The following PBX1 variants were observed in gnomAD, a reference collection of about 807,000 sequenced individuals.
PBX1 encodes the protein pre-B-cell leukemia transcription factor 1.
Under a neutral mutation model 53.4 loss-of-function variants are expected in PBX1, and 6 were observed. The observed-to-expected ratio is 0.11, with a 90% CI of 0.06 to 0.22. PBX1 has a LOEUF of 0.22. PBX1 is among the 10% of genes least tolerant of loss of function. The pLI, the probability that PBX1 is intolerant of heterozygous loss-of-function variation, is 1.00. For missense variants in PBX1, 251 were observed against 551.4 expected, an observed-to-expected ratio of 0.46 and a Z score of 5.46; for synonymous variants, 204 against 212.3, an observed-to-expected ratio of 0.96 and a Z score of 0.34.
At chr1:164,569,278 C>T (rs1225226610) in intron 2 of PBX1, among the ~76,000 whole-genome samples, 1 of 152,214 alleles carries the variant, frequency 6.6e-6, no homozygotes, top group African/African-American at 2.4e-5. Context: ...AAAAACCTCT[C>T]TGTGCCTCAT....
At position 164,847,556 on chromosome 1, in the gene PBX1, G is replaced by A; in HGVS notation, c.*880G>A. 2 of 1,062,850 alleles carry A rather than the reference G, an allele frequency of 1.9e-6. No individual in the cohort carries two copies. The highest frequency in any genetic ancestry group is 2.3e-6 in the Non-Finnish European group (2 of 877,806). 65.8% of individuals were successfully genotyped at this position (1,062,850 alleles called of 1,614,324 possible). A position where few individuals can be genotyped will look rare whatever the true frequency, so the allele number is the denominator to read the frequency against. On this transcript the variant is annotated 3_prime_UTR_variant, in exon 9 of 9. Transcript: ENST00000420696. Reference sequence around the variant, plus strand: ...GCCTGAGTTAGGCATGGTGATGAATGCATCAGCAAGGAATAGAAAGTTCTT... The same window carrying A: ...GCCTGAGTTAGGCATGGTGATGAATACATCAGCAAGGAATAGAAAGTTCTT...
At chr1:164,692,141 G>T (rs964741924) in intron 2 of PBX1, among the ~76,000 whole-genome samples, 6 of 152,162 alleles carry the variant, frequency 3.9e-5, no homozygotes, top group Non-Finnish European at 8.8e-5. Context: ...GTGCTTGTGT[G>T]TACCACATTA....
At chr1:164,627,643 C>T (rs1658132056) in intron 2 of PBX1, among the ~76,000 whole-genome samples, 2 of 152,166 alleles carry the variant, frequency 1.3e-5, no homozygotes, top group African/African-American at 2.4e-5. Flanking sequence ...GGAAGCTAGA[C>T]TAGGCTGTTC....
intron 6 of PBX1, chr1:164,817,973 A>C (rs1372515806): frequency 3.3e-5 from 5 of 152,210 alleles, no homozygotes; most frequent in Non-Finnish European, 7.3e-5. Context: ...GAGAAGTAAA[A>C]TACGTGAGCC....
intron 5 of PBX1, among the ~76,000 whole-genome samples, chr1:164,811,408 A>T (rs912469955): frequency 6.6e-6 from 1 of 152,256 alleles, no homozygotes; most frequent in Non-Finnish European, 1.5e-5. Context: ...CCTTATGTAG[A>T]TAACACTAAG....
At chr1:164,659,565 C>G (rs1416555925) in intron 2 of PBX1, among the ~76,000 whole-genome samples, 2 of 152,184 alleles carry the variant, frequency 1.3e-5, no homozygotes, top group Non-Finnish European at 1.5e-5. Context: ...ACCGAGGAAG[C>G]AGCAGGTGAG....
At chr1:164,633,175 A>G (rs1171023474) in intron 2 of PBX1, among the ~76,000 whole-genome samples, 1 of 145,742 alleles carries the variant, frequency 6.9e-6, no homozygotes, top group African/African-American at 2.5e-5. Flanking sequence ...TTTGAGATGG[A>G]CTTTTGCTCT....
rs560258543 is a variant in PBX1, at chr1:164,825,912, T to A, written c.1200+4286T>A. On this transcript the variant is annotated intron_variant, in intron 8 of 8. Transcript: ENST00000420696. Reference sequence around the variant, plus strand: ...TGGGATAGCTGTGCATGTAGCAACATAACATTGTTGTAACTGGATTCTCAT... The same window carrying A: ...TGGGATAGCTGTGCATGTAGCAACAAAACATTGTTGTAACTGGATTCTCAT... Among the ~76,000 whole-genome samples the A allele has an allele frequency of 4.6e-5, 7 of 152,088 alleles. No homozygotes were observed. In the South Asian group the frequency reaches 1.5e-3, roughly 32 times the overall value.
chr1:164,634,574 G>C (rs950005753), intron 2 of PBX1, among the ~76,000 whole-genome samples: 1 of 152,076 alleles, frequency 6.6e-6, no homozygotes, highest in African/African-American at 2.4e-5. Context: ...TTTGGGTTTC[G>C]TTTCTGGAAT....
chr1:164,733,215 G>T (rs1665091489), intron 2 of PBX1, among the ~76,000 whole-genome samples: 1 of 152,100 alleles, frequency 6.6e-6, no homozygotes, highest in Admixed American at 6.6e-5. Flanking sequence ...CTTGTTGAGG[G>T]ATCCCATCAC....
intron 8 of PBX1, among the ~76,000 whole-genome samples, chr1:164,841,610 T>C (rs1376093800): frequency 6.6e-6 from 1 of 152,138 alleles, no homozygotes; most frequent in Non-Finnish European, 1.5e-5. Flanking sequence ...GGCTTTCCAA[T>C]AGCATCTTTT....
At chr1:164,702,584 GGGT>G (rs1663186551) in intron 2 of PBX1, among the ~76,000 whole-genome samples, 1 of 152,180 alleles carries the variant, frequency 6.6e-6, no homozygotes, top group South Asian at 2.1e-4. Context: ...CCCATGAACA[GGGT>G]GTCACGCATG....
In PBX1 at chr1:164,560,021, G is replaced by T; in HGVS notation, c.191+8G>T. 7.3e-7 allele frequency: 1 copy of T among 1,362,174 alleles called. No individual in the cohort carries two copies. Among genetic ancestry groups the T allele is most frequent in the Non-Finnish European group, 9.5e-7 (1 of 1,050,654 alleles). 84.4% of individuals were successfully genotyped at this position (1,362,174 alleles called of 1,614,324 possible). A position where few individuals can be genotyped will look rare whatever the true frequency, so the allele number is the denominator to read the frequency against. ...GGATGAGGCGCAGGCCAGGTGAGAT[G>T]GAGGCTTTTCTTTTCCTTTCTTGGG... On this transcript the variant is annotated splice_region_variant and intron_variant, in intron 1 of 8. Transcript: ENST00000420696.
At chr1:164,877,197 G>C (rs1034161661) in intron 2 of PBX1, among the ~76,000 whole-genome samples, 2 of 150,784 alleles carry the variant, frequency 1.3e-5, no homozygotes, top group African/African-American at 4.9e-5. Context: ...AGAGAGCCAG[G>C]TTGGTCCATT....
chr1:164,764,488 GA>G (rs1397435328), intron 2 of PBX1, among the ~76,000 whole-genome samples: 2 of 152,120 alleles, frequency 1.3e-5, no homozygotes, highest in Non-Finnish European at 2.9e-5. Context: ...GTAATGTGGG[GA>G]TGACCACATT....
At position 164,733,825 on chromosome 1, in the gene PBX1, A is replaced by G. The variant is rs190127357; in HGVS notation, c.266-58669A>G. ...AAGATTTTTTCTGTTGCATTAAATC[A>G]TTTTATATCTTATGCTAAACTTGAC... On this transcript the variant is annotated intron_variant, in intron 2 of 8. Coordinates refer to ENST00000420696, the MANE Select transcript of PBX1 (RefSeq NM_002585.4). 1.6e-4 allele frequency among the ~76,000 whole-genome samples: 24 copies of G among 152,322 alleles called. No homozygotes were observed. The East Asian group carries it at 4.6e-3, about 29-fold the overall frequency.
chr1:164,692,820 C>T (rs747204216), intron 2 of PBX1, among the ~76,000 whole-genome samples: 1 of 152,216 alleles, frequency 6.6e-6, no homozygotes, highest in Non-Finnish European at 1.5e-5. Flanking sequence ...CCAGTCTTCA[C>T]AGTCGCCCTT....
At position 164,603,929 on chromosome 1, in the gene PBX1, A is replaced by ATTTCATTTT. The variant is rs1656369037; in HGVS notation, c.265+40621_265+40622insCATTTTTTT. The stretch of plus-strand genomic sequence containing the variant: ...GACACTCTGTACATTATGTCATTTC[A>ATTTCATTTT]TTTTTTTTTTTTTTTTTTTTTTTTT... On this transcript the variant is annotated intron_variant, in intron 2 of 8. Coordinates refer to ENST00000420696, the MANE Select transcript of PBX1 (RefSeq NM_002585.4). 1.3e-3 allele frequency among the ~76,000 whole-genome samples: 97 copies of ATTTCATTTT among 75,754 alleles called. 3 individuals carry two copies. The highest frequency in any genetic ancestry group is 5.7e-3 in the African/African-American group (93 of 16,208). The allele number at this position is 75,754 out of a possible 152,430, so 49.7% of individuals were successfully genotyped here.
intron 8 of PBX1, among the ~76,000 whole-genome samples, chr1:164,843,066 G>A (rs1170610082): frequency 6.6e-6 from 1 of 152,058 alleles, no homozygotes; most frequent in Non-Finnish European, 1.5e-5. Flanking sequence ...AGTAAGCGAG[G>A]TCAGCTGTTT....
Sources: gnomAD v4.1 joint callset for allele counts (sites outside exome capture counted in the v4.1 genomes callset) on GRCh38, gnomAD v4.1.1 for gene constraint, MANE v1.5 for transcripts, NCBI Gene and HGNC (gene_info 2026-07-23, HGNC 2026-07-21) for gene names.